The following CUL2 variants were observed in gnomAD, a reference collection of about 807,000 sequenced individuals.
CUL2 encodes cullin 2.
In CUL2, 22 loss-of-function variants were observed where a neutral mutation model predicts 110.2. The ratio of observed to expected loss-of-function variants is 0.20; its 90% CI spans 0.14 to 0.28. The LOEUF is 0.28. CUL2 is among the 10% of genes least tolerant of loss of function. The pLI is 1.00. For missense variants in CUL2, 631 were observed against 905.5 expected, an observed-to-expected ratio of 0.70 and a Z score of 3.89; for synonymous variants, 279 against 293.2, an observed-to-expected ratio of 0.95 and a Z score of 0.49.
intron 1 of CUL2, among the ~76,000 whole-genome samples, chr10:35,088,193 A>T (rs540506016): frequency 1.3e-5 from 2 of 152,166 alleles, no homozygotes; most frequent in African/African-American, 2.4e-5. Flanking sequence ...CCAAGCCAGA[A>T]GTGACACTCC....
At chr10:35,093,399 C>T (rs959562329), upstream of CUL2, among the ~76,000 whole-genome samples, 12 of 152,142 alleles carry the variant, frequency 7.9e-5, no homozygotes, top group East Asian at 5.8e-4. Context: ...CTTGGTGGCT[C>T]ATGCCTCCCA....
chr10:35,021,393 A>C (rs1197338289), intron 17 of CUL2, among the ~76,000 whole-genome samples: 1 of 151,684 alleles, frequency 6.6e-6, no homozygotes, highest in East Asian at 1.9e-4. Context: ...TATTTTCTGC[A>C]CACTGCTGTG....
At chr10:35,106,483 C>T (rs1008177857) in intron 1 of CUL2, among the ~76,000 whole-genome samples, 1 of 146,540 alleles carries the variant, frequency 6.8e-6, no homozygotes, top group African/African-American at 2.5e-5. Context: ...CCACGCCCGG[C>T]TAATTTTTTT....
At chr10:35,107,015 C>T (rs1240696607) in intron 1 of CUL2, among the ~76,000 whole-genome samples, 1 of 151,822 alleles carries the variant, frequency 6.6e-6, no homozygotes, top group Admixed American at 6.6e-5. Flanking sequence ...CACTCTGTCA[C>T]CCAGAGTAGA....
intron 1 of CUL2, among the ~76,000 whole-genome samples, chr10:35,124,331 C>T (rs900169301): frequency 6.6e-6 from 1 of 152,106 alleles, no homozygotes; most frequent in Non-Finnish European, 1.5e-5. Flanking sequence ...CCTATAATCC[C>T]AGCACTTTCA....
chr10:35,059,809 G>C (rs1316424529), intron 4 of CUL2, among the ~76,000 whole-genome samples: 2 of 152,198 alleles, frequency 1.3e-5, no homozygotes, highest in African/African-American at 4.8e-5. Context: ...TTCATTAGCT[G>C]AGTGACCTTC....
chr10:35,069,928 C>T (rs1045800932), intron 2 of CUL2, among the ~76,000 whole-genome samples: 1 of 152,148 alleles, frequency 6.6e-6, no homozygotes, highest in Admixed American at 6.5e-5. Flanking sequence ...CCAAATCAAT[C>T]CATAATGTTC....
chr10:35,126,903 C>T (rs2087869755), upstream of CUL2: 1 of 152,238 alleles, frequency 6.6e-6, no homozygotes, highest in African/African-American at 2.4e-5. Context: ...GGAGTTCGAG[C>T]CTGGATTTTT....
intron 1 of CUL2, among the ~76,000 whole-genome samples, chr10:35,125,466 ACATT>A (rs1257730066): frequency 2.3e-4 from 35 of 152,356 alleles, no homozygotes; most frequent in African/African-American, 7.7e-4. Context: ...TGTTGTGGAT[ACATT>A]CCCTTTGACC....
At chr10:35,102,354 T>C (rs916469031) in intron 1 of CUL2, among the ~76,000 whole-genome samples, 8 of 149,884 alleles carry the variant, frequency 5.3e-5, no homozygotes, top group African/African-American at 2.0e-4. Context: ...GGTGGATAAC[T>C]TGAGGCCAGG....
At chr10:35,049,850 C>A in intron 5 of CUL2, 85 bp from the exon 6 acceptor site, 2 of 842,058 alleles carry the variant, frequency 2.4e-6, no homozygotes. Flanking sequence ...ACTAAAAATA[C>A]TCATCAAAAG....
chr10:35,074,020 T>C, intron 1 of CUL2: 1 of 717,316 alleles, frequency 1.4e-6, no homozygotes, highest in Non-Finnish European at 2.5e-6. Flanking sequence ...CTGCGGCCGG[T>C]GCTCTAGGCT....
intron 17 of CUL2, among the ~76,000 whole-genome samples, chr10:35,021,264 T>G (rs1374289157): frequency 1.3e-5 from 1 of 75,280 alleles, no homozygotes; most frequent in Non-Finnish European, 3.5e-5. Context: ...CTTTCTTTCT[T>G]TTTTTTTTTT....
At chr10:35,033,802 C>G (rs1054520540) in intron 10 of CUL2, among the ~76,000 whole-genome samples, 3 of 150,080 alleles carry the variant, frequency 2.0e-5, no homozygotes, top group African/African-American at 7.3e-5. Flanking sequence ...TCATTCAACA[C>G]AACAAGCTGT....
chr10:35,081,634 C>T (rs945241364), intron 1 of CUL2, among the ~76,000 whole-genome samples: 1 of 152,110 alleles, frequency 6.6e-6, no homozygotes, highest in Non-Finnish European at 1.5e-5. Context: ...TGGCCCATAC[C>T]TACAATCCCA....
intron 5 of CUL2, among the ~76,000 whole-genome samples, chr10:35,053,121 A>G (rs61373878): frequency 0.013 from 1,979 of 152,270 alleles, 50 homozygotes; most frequent in African/African-American, 0.045. Context: ...GTTTATGTAA[A>G]TATTTATAAA....
At chr10:35,062,567 T>C (rs535016169) in intron 3 of CUL2, among the ~76,000 whole-genome samples, 27 of 151,830 alleles carry the variant, frequency 1.8e-4, no homozygotes, top group African/African-American at 5.8e-4. Context: ...ATTTTTAAAA[T>C]GCTGATTAAG....
chr10:35,010,362 T>C lies in CUL2; in HGVS notation c.2187A>G (p.Gln729=). ...KKCIEVLIDK[Q]YIERSQASAD... is the part of the protein sequence containing the mutation. ...CCGACGCCTGGCTGCGTTCTATGTA[T>C]TGTTTGTCTATCAGAACTTCAATAC... The change falls in exon 21 of 21, where the codon CAA becomes CAG. Residue 729 remains glutamine (Q), a synonymous_variant. Transcript: ENST00000374749. The C allele has an allele frequency of 1.2e-6, 2 of 1,612,076 alleles. No homozygotes were observed. Among genetic ancestry groups the C allele is most frequent in the Non-Finnish European group, 1.7e-6 (2 of 1,179,110 alleles).
At chr10:35,037,635 G>C (rs1040889672) in intron 9 of CUL2, among the ~76,000 whole-genome samples, 3 of 151,914 alleles carry the variant, frequency 2.0e-5, no homozygotes, top group Non-Finnish European at 4.4e-5. Flanking sequence ...CACGAGCTCA[G>C]GAGTTCGAGA....
Sources: gnomAD v4.1 joint callset for allele counts (sites outside exome capture counted in the v4.1 genomes callset) on GRCh38, gnomAD v4.1.1 for gene constraint, MANE v1.5 for transcripts, NCBI Gene and HGNC (gene_info 2026-07-23, HGNC 2026-07-21) for gene names.